The following CTNNA3 variants were observed in gnomAD, a reference collection of about 807,000 sequenced individuals.
The protein encoded by CTNNA3 is catenin alpha-3.
Under a neutral mutation model 95.7 loss-of-function variants are expected in CTNNA3, and 76 were observed. The observed-to-expected ratio is 0.79, with a 90% CI of 0.66 to 0.96. The LOEUF (loss-of-function observed/expected upper bound fraction) is 0.96. Ranked by LOEUF, CTNNA3 falls within the 40% of genes least tolerant of loss-of-function variation. The probability of loss-of-function intolerance (pLI) is 0.00; values close to 1 mark genes in which losing one functional copy is unlikely to be tolerated. For missense variants in CTNNA3, 1,191 were observed against 1,089.8 expected, an observed-to-expected ratio of 1.09 and a Z score of -1.31; for synonymous variants, 431 against 374.4, an observed-to-expected ratio of 1.15 and a Z score of -1.74.
At chr10:66,385,161 T>C (rs549248437) in intron 11 of CTNNA3, among the ~76,000 whole-genome samples, 1 of 152,210 alleles carries the variant, frequency 6.6e-6, no homozygotes, top group South Asian at 2.1e-4. Flanking sequence ...AGCTGGTTTT[T>C]TGAAAAGATC....
At chr10:66,106,333 GTGTT>G (rs1452011756) in intron 13 of CTNNA3, among the ~76,000 whole-genome samples, 24 of 112,186 alleles carry the variant, frequency 2.1e-4, no homozygotes, top group Admixed American at 1.2e-3. Flanking sequence ...GTGTGTGTGT[GTGTT>G]TGTGTGTGTG....
intron 5 of CTNNA3, among the ~76,000 whole-genome samples, chr10:67,297,493 C>T (rs1039449988): frequency 9.2e-5 from 14 of 152,318 alleles, no homozygotes; most frequent in African/African-American, 3.4e-4. Context: ...TAGGTTACAC[C>T]TATCCCCTAT....
At chr10:67,394,836 G>A (rs1050203748) in intron 5 of CTNNA3, among the ~76,000 whole-genome samples, 1 of 151,800 alleles carries the variant, frequency 6.6e-6, no homozygotes, top group African/African-American at 2.4e-5. Flanking sequence ...TGCTCAGCAG[G>A]CACATCATAG....
At chr10:67,605,537 A>T (rs1843241549) in intron 3 of CTNNA3, among the ~76,000 whole-genome samples, 1 of 152,228 alleles carries the variant, frequency 6.6e-6, no homozygotes, top group Admixed American at 6.5e-5. Context: ...ACACAAAAAA[A>T]TGGGTAACTG....
At chr10:67,024,867 C>T (rs576680849) in intron 7 of CTNNA3, among the ~76,000 whole-genome samples, 2 of 152,118 alleles carry the variant, frequency 1.3e-5, no homozygotes, top group African/African-American at 2.4e-5. Context: ...GGGTGACTCA[C>T]GCCTGTAAAT....
chr10:67,097,568 T>A, intron 7 of CTNNA3: 1 of 1,607,782 alleles, frequency 6.2e-7, no homozygotes, highest in Non-Finnish European at 8.5e-7. Context: ...CTGACTTTTC[T>A]CATGTCATTT....
intron 11 of CTNNA3, among the ~76,000 whole-genome samples, chr10:66,508,094 T>G (rs1840515643): frequency 6.6e-6 from 1 of 152,038 alleles, no homozygotes; most frequent in African/African-American, 2.4e-5. Flanking sequence ...AATAAAATTA[T>G]ATTAGTGATG....
At chr10:67,166,352 C>A (rs1861768831) in intron 7 of CTNNA3, among the ~76,000 whole-genome samples, 1 of 152,070 alleles carries the variant, frequency 6.6e-6, no homozygotes, top group African/African-American at 2.4e-5. Flanking sequence ...TGTAACTTAC[C>A]TAGCTTTCTT....
intron 1 of CTNNA3, among the ~76,000 whole-genome samples, chr10:67,692,819 C>T (rs1282802845): frequency 1.3e-5 from 2 of 150,804 alleles, no homozygotes; most frequent in Non-Finnish European, 2.9e-5. Context: ...CCTCTTATCT[C>T]GTTTCATAGA....
intron 3 of CTNNA3, among the ~76,000 whole-genome samples, chr10:67,564,432 G>A (rs1841669150): frequency 7.4e-6 from 1 of 135,960 alleles, no homozygotes; most frequent in Non-Finnish European, 1.5e-5. Flanking sequence ...TCATAGGTGG[G>A]AATTGAACAA....
At chr10:66,413,611 A>T (rs2093124547) in intron 11 of CTNNA3, among the ~76,000 whole-genome samples, 1 of 152,162 alleles carries the variant, frequency 6.6e-6, no homozygotes, top group Admixed American at 6.5e-5. Context: ...ATAGAGCTTG[A>T]AAAGGTATTT....
At chr10:66,355,060 A>G (rs1228059052) in intron 12 of CTNNA3, among the ~76,000 whole-genome samples, 2 of 152,136 alleles carry the variant, frequency 1.3e-5, no homozygotes, top group Admixed American at 1.3e-4. Context: ...TACACACGCT[A>G]GACAGGCTTA....
At chr10:67,047,747 A>G (rs535360386) in intron 7 of CTNNA3, among the ~76,000 whole-genome samples, 100 of 152,118 alleles carry the variant, frequency 6.6e-4, no homozygotes, top group Non-Finnish European at 7.4e-5. Context: ...AATTAAATTA[A>G]ATTAAGATTT....
rs1157007144 is a variant in CTNNA3 at position 66,951,743 on chromosome 10, T to A, written c.1048-176219A>T. Among the ~76,000 whole-genome samples the A allele has an allele frequency of 2.0e-5, 3 of 152,178 alleles. No homozygotes were observed. The South Asian group carries it at 6.2e-4, about 32-fold the overall frequency. ...TACTTGACCTGCTGTTTGTTCAGAA[T>A]ATTTATTTTAGCATGTGAAACATTT... On this transcript the variant is annotated intron_variant, in intron 7 of 17. Coordinates refer to ENST00000433211, the MANE Select transcript of CTNNA3 (RefSeq NM_013266.4).
At chr10:67,491,752 T>C (rs1034257126) in intron 5 of CTNNA3, among the ~76,000 whole-genome samples, 28 of 152,156 alleles carry the variant, frequency 1.8e-4, no homozygotes, top group Admixed American at 1.6e-3. Context: ...AGATTTTCAT[T>C]TTAAAATAAT....
At chr10:67,538,404 G>A (rs373505437) in intron 4 of CTNNA3, among the ~76,000 whole-genome samples, 24 of 151,316 alleles carry the variant, frequency 1.6e-4, no homozygotes, top group African/African-American at 4.9e-4. Flanking sequence ...TGAAACCCCC[G>A]TCTCTACTAA....
intron 4 of CTNNA3, among the ~76,000 whole-genome samples, chr10:67,525,162 T>A (rs1286293911): frequency 6.6e-6 from 1 of 151,958 alleles, no homozygotes; most frequent in Non-Finnish European, 1.5e-5. Context: ...TCCTGTGTTT[T>A]TTTTTTTAAC....
chr10:66,744,508 T>G (rs1238087271), intron 9 of CTNNA3, among the ~76,000 whole-genome samples: 1 of 152,174 alleles, frequency 6.6e-6, no homozygotes, highest in Non-Finnish European at 1.5e-5. Context: ...TGTCCTGTCT[T>G]GTGATTCAGG....
At chr10:67,329,148 G>T (rs1163511802) in intron 5 of CTNNA3, among the ~76,000 whole-genome samples, 1 of 152,168 alleles carries the variant, frequency 6.6e-6, no homozygotes, top group African/African-American at 2.4e-5. Flanking sequence ...AAGGTGGGTG[G>T]ACCGCTTGAG....
Sources: allele counts gnomAD v4.1 joint callset (sites outside exome capture counted in the v4.1 genomes callset), GRCh38; gene constraint gnomAD v4.1.1; transcripts MANE v1.5; gene names NCBI Gene and HGNC (gene_info 2026-07-23, HGNC 2026-07-21).